The following ZNF169 variants were observed in gnomAD, a reference collection of about 807,000 sequenced individuals.
ZNF169 encodes the protein zinc finger protein 169.
ZNF169 carries 11 observed loss-of-function variants against 12.0 expected under a neutral mutation model. That is an observed-to-expected ratio of 0.92 (90% CI 0.58 to 1.52). ZNF169 has a LOEUF of 1.52. ZNF169 is among the 40% of genes most tolerant of loss of function. The pLI is 0.00. For synonymous variants in ZNF169, 302 were observed against 286.5 expected, an observed-to-expected ratio of 1.05 and a Z score of -0.55; for missense variants, 722 against 744.0, an observed-to-expected ratio of 0.97 and a Z score of 0.34.
Position 94,270,688 on chromosome 9 carries a change from ATATATAATT to A in ZNF169, c.-55-8060_-55-8052del, listed in dbSNP as rs1231589921. On this transcript the variant is annotated intron_variant, in intron 1 of 4. Coordinates refer to ENST00000395395, the MANE Select transcript of ZNF169 (RefSeq NM_194320.4). ...ATATATACTATATAAATATATATAA[ATATATAATT>A]TATATAATTATATAATATATAATAT... Among the ~76,000 whole-genome samples, 268 of 60,430 alleles carry A rather than the reference ATATATAATT, an allele frequency of 4.4e-3. 2 individuals are homozygous for A. Among genetic ancestry groups the A allele is most frequent in the African/African-American group, 0.011 (234 of 20,812 alleles). The allele number at this position is 60,430 out of a possible 152,430, so 39.6% of individuals were successfully genotyped here.
In ZNF169 at chr9:94,272,196, T is replaced by C. The variant is rs541946834; in HGVS notation, c.-55-6562T>C. On this transcript the variant is annotated intron_variant, in intron 1 of 4. Transcript: ENST00000395395. ...TCATTCCTGATCTTGGAAATTTGTC[T>C]TTTTAAATTTTAATTTAATCATTTT... is the stretch of plus-strand genomic sequence containing the variant. Among the ~76,000 whole-genome samples the C allele has an allele frequency of 1.4e-4, 22 of 152,242 alleles. No homozygotes were observed. The East Asian group carries it at 3.9e-3, about 27-fold the overall frequency.
intron 1 of ZNF169, among the ~76,000 whole-genome samples, chr9:94,266,568 T>A (rs1397992953): frequency 2.0e-5 from 3 of 152,156 alleles, no homozygotes; most frequent in Admixed American, 2.0e-4. Context: ...AGTCTTCAGT[T>A]CACAGGGCTT....
At chr9:94,278,539 T>G (rs1334302733) in intron 1 of ZNF169, among the ~76,000 whole-genome samples, 1 of 152,250 alleles carries the variant, frequency 6.6e-6, no homozygotes, top group African/African-American at 2.4e-5. Context: ...AGATGGGGGC[T>G]TCATTCCCTA....
chr9:94,275,448 G>A (rs80234859), intron 1 of ZNF169, among the ~76,000 whole-genome samples: 1 of 152,088 alleles, frequency 6.6e-6, no homozygotes, highest in Non-Finnish European at 1.5e-5. Flanking sequence ...TACTTGTTGG[G>A]TTTGGTGTTC....
intron 1 of ZNF169, among the ~76,000 whole-genome samples, chr9:94,277,719 C>G (rs1209286109): frequency 1.3e-5 from 2 of 151,858 alleles, no homozygotes; most frequent in Non-Finnish European, 2.9e-5. Context: ...ATCACGAGGT[C>G]AGGAGATCGA....
chr9:94,296,534 G>C (rs1033716613), intron 4 of ZNF169, among the ~76,000 whole-genome samples: 3 of 152,032 alleles, frequency 2.0e-5, no homozygotes, highest in African/African-American at 4.8e-5. Flanking sequence ...AAATATACTT[G>C]ATAAAAGATC....
At chr9:94,275,856 A>G (rs1048270860) in intron 1 of ZNF169, among the ~76,000 whole-genome samples, 1 of 147,474 alleles carries the variant, frequency 6.8e-6, no homozygotes, top group African/African-American at 2.5e-5. Flanking sequence ...ATCTCAGCTC[A>G]CTACAACCTC....
At chr9:94,264,514 T>A (rs897873553) in intron 1 of ZNF169, among the ~76,000 whole-genome samples, 1 of 152,224 alleles carries the variant, frequency 6.6e-6, no homozygotes, top group African/African-American at 2.4e-5. Context: ...TTTCTGGTGA[T>A]CTTCAATCAC....
intron 1 of ZNF169, among the ~76,000 whole-genome samples, chr9:94,261,678 G>C: frequency 6.6e-6 from 1 of 152,266 alleles, no homozygotes; most frequent in African/African-American, 2.4e-5. Flanking sequence ...TCAAATCCAG[G>C]TCTCTCCCTT....
intron 1 of ZNF169, among the ~76,000 whole-genome samples, chr9:94,275,452 G>A (rs1231860984): frequency 1.3e-5 from 2 of 152,096 alleles, no homozygotes; most frequent in East Asian, 1.9e-4. Context: ...TGTTGGGTTT[G>A]GTGTTCTGCA....
intron 1 of ZNF169, among the ~76,000 whole-genome samples, chr9:94,266,666 T>C (rs889284003): frequency 3.3e-5 from 5 of 152,154 alleles, no homozygotes; most frequent in Non-Finnish European, 5.9e-5. Flanking sequence ...GAAAACATTA[T>C]TTTGGAGACC....
Position 94,301,092 on chromosome 9 carries a change from G to A in ZNF169, c.1534G>A (p.Glu512Lys), listed in dbSNP as rs777509220. Residue 512 changes from glutamate to lysine, a missense_variant, in exon 5 of 5, where the codon GAG becomes AAG. Glu to Lys is a moderately conservative substitution (Grantham distance 56). Coordinates refer to ENST00000395395, the MANE Select transcript of ZNF169 (RefSeq NM_194320.4). ...ACACCAGAGGACACACTCAGAGGAG[G>A]AGCTTTACGTAGACAGGGTGTGTGG... is the stretch of plus-strand genomic sequence containing the variant. The part of the protein sequence containing the change: ...TRHQRTHSEE[E>K]LYVDRVCGQG... 3.7e-6 allele frequency: 6 copies of A among 1,613,846 alleles called. No homozygotes were observed. In the East Asian group the frequency reaches 1.3e-4, roughly 36 times the overall value.
intron 4 of ZNF169, chr9:94,293,405 T>C: frequency 1.7e-6 from 1 of 598,162 alleles, no homozygotes; most frequent in South Asian, 2.2e-5. Context: ...TCCCTGCCCC[T>C]GGTTTTTTAT....
At chr9:94,293,447 C>T (rs1298887380) in intron 4 of ZNF169, 3 of 508,658 alleles carry the variant, frequency 5.9e-6, no homozygotes, top group South Asian at 2.2e-5. Flanking sequence ...GACAGAGTCT[C>T]GTTCTGTCAC....
At chr9:94,262,373 T>C (rs949953080) in intron 1 of ZNF169, among the ~76,000 whole-genome samples, 1 of 152,136 alleles carries the variant, frequency 6.6e-6, no homozygotes, top group African/African-American at 2.4e-5. Context: ...GTGCCAAGAT[T>C]GTGTGTGGAT....
intron 4 of ZNF169, among the ~76,000 whole-genome samples, chr9:94,298,764 T>C (rs1457781649): frequency 6.6e-6 from 1 of 151,096 alleles, no homozygotes; most frequent in African/African-American, 2.4e-5. Flanking sequence ...TAGTCAATAA[T>C]TACCTAGGAG....
rs1830889306 is a variant in ZNF169, at chr9:94,293,427, T to C, written c.256+358T>C. The C allele has an allele frequency of 5.5e-6, 3 of 545,704 alleles. No homozygotes were observed. In the East Asian group the frequency reaches 9.9e-5, roughly 18 times the overall value. The allele number at this position is 545,704 out of a possible 1,614,324, so 33.8% of individuals were successfully genotyped here. On this transcript the variant is annotated intron_variant, in intron 4 of 4. Transcript: ENST00000395395. ...CCCTGGTTTTTTATTTTTATTTTTATTTTTTTTGAGACAGAGTCTCGTTCT... is the reference window on the plus strand; with the variant it reads ...CCCTGGTTTTTTATTTTTATTTTTACTTTTTTTGAGACAGAGTCTCGTTCT...
intron 2 of ZNF169, 65 bp downstream of exon 2, chr9:94,278,910 G>A (rs1180815804): frequency 1.9e-6 from 3 of 1,568,760 alleles, no homozygotes; most frequent in Non-Finnish European, 2.6e-6. Flanking sequence ...TGTCCTGAAG[G>A]CTGCCTTCTT....
intron 4 of ZNF169, among the ~76,000 whole-genome samples, chr9:94,297,033 C>A (rs907359067): frequency 6.6e-6 from 1 of 152,002 alleles, no homozygotes; most frequent in Non-Finnish European, 1.5e-5. Context: ...GGCAACAGTG[C>A]GAGACTCCAT....
Sources: allele counts gnomAD v4.1 joint callset (sites outside exome capture counted in the v4.1 genomes callset), GRCh38; gene constraint gnomAD v4.1.1; transcripts MANE v1.5; gene names NCBI Gene and HGNC (gene_info 2026-07-23, HGNC 2026-07-21).